The following PHACTR1 variants were observed in gnomAD, a reference collection of about 807,000 sequenced individuals.
PHACTR1 encodes the protein phosphatase and actin regulator 1.
In PHACTR1, 16 loss-of-function variants were observed where a neutral mutation model predicts 69.2. The observed-to-expected ratio is 0.23, with a 90% CI of 0.16 to 0.35. The LOEUF is 0.35. PHACTR1 is among the 10% of genes least tolerant of loss of function. The pLI is 1.00. For missense variants in PHACTR1, 510 were observed against 734.7 expected, an observed-to-expected ratio of 0.69 and a Z score of 3.54; for synonymous variants, 312 against 284.5, an observed-to-expected ratio of 1.10 and a Z score of -0.97.
chr6:13,032,378 G>A (rs1274982977), intron 4 of PHACTR1, among the ~76,000 whole-genome samples: 1 of 152,098 alleles, frequency 6.6e-6, no homozygotes, highest in Non-Finnish European at 1.5e-5. Context: ...GCATTTTACT[G>A]TAGCAGAAGA....
At chr6:13,252,349 A>G (rs914563487) in intron 10 of PHACTR1, among the ~76,000 whole-genome samples, 4 of 151,170 alleles carry the variant, frequency 2.6e-5, no homozygotes, top group African/African-American at 9.7e-5. Context: ...AAAAAGAAAA[A>G]GGAAAGAAAG....
chr6:13,155,621 G>T (rs1006038857), intron 5 of PHACTR1, among the ~76,000 whole-genome samples: 2 of 152,202 alleles, frequency 1.3e-5, no homozygotes, highest in Non-Finnish European at 2.9e-5. Context: ...TGGGCACAGT[G>T]GCTCACGCCT....
intron 4 of PHACTR1, among the ~76,000 whole-genome samples, chr6:13,036,055 T>A (rs1364709524): frequency 6.6e-6 from 1 of 152,156 alleles, no homozygotes; most frequent in East Asian, 1.9e-4. Context: ...TCATATTTTC[T>A]CTATTATACA....
At chr6:12,814,833 G>A (rs1775407805) in intron 4 of PHACTR1, among the ~76,000 whole-genome samples, 1 of 152,280 alleles carries the variant, frequency 6.6e-6, no homozygotes, top group East Asian at 1.9e-4. Context: ...GAGTTGCTGG[G>A]GGAGGCTGCT....
intron 4 of PHACTR1, among the ~76,000 whole-genome samples, chr6:12,865,482 C>A (rs9349361): frequency 1.3e-4 from 19 of 151,778 alleles, no homozygotes; most frequent in Non-Finnish European, 2.6e-4. Flanking sequence ...GTGTGTGTGC[C>A]TGCGTGTGTG....
intron 4 of PHACTR1, among the ~76,000 whole-genome samples, chr6:12,858,592 A>G (rs900031445): frequency 2.0e-5 from 3 of 152,070 alleles, no homozygotes; most frequent in Admixed American, 6.6e-5. Flanking sequence ...CAGGAGTTCA[A>G]TGCAAGCCTG....
intron 10 of PHACTR1, among the ~76,000 whole-genome samples, chr6:13,265,814 ATCC>A (rs1776613921): frequency 6.6e-6 from 1 of 152,168 alleles, no homozygotes; most frequent in Non-Finnish European, 1.5e-5. Flanking sequence ...TGGCAGGGTC[ATCC>A]TCCTTAGTCC....
chr6:13,193,740 C>A (rs927200982), intron 7 of PHACTR1, among the ~76,000 whole-genome samples: 2 of 152,026 alleles, frequency 1.3e-5, no homozygotes, highest in Non-Finnish European at 2.9e-5. Flanking sequence ...ATACGTCTAT[C>A]TCCTGTTTTG....
intron 4 of PHACTR1, among the ~76,000 whole-genome samples, chr6:12,758,762 T>C (rs568335249): frequency 6.6e-6 from 1 of 152,216 alleles, no homozygotes; most frequent in South Asian, 2.1e-4. Context: ...GGGTCACATT[T>C]AAAGCTGGAC....
At chr6:12,815,533 G>T (rs896093709) in intron 4 of PHACTR1, among the ~76,000 whole-genome samples, 3 of 152,196 alleles carry the variant, frequency 2.0e-5, no homozygotes, top group Non-Finnish European at 2.9e-5. Flanking sequence ...TTAGAAATGG[G>T]AAAGGAAGAA....
At chr6:12,779,046 A>G (rs927396408) in intron 4 of PHACTR1, among the ~76,000 whole-genome samples, 4 of 152,194 alleles carry the variant, frequency 2.6e-5, no homozygotes, top group African/African-American at 9.7e-5. Flanking sequence ...TTAAAAAGTC[A>G]GAGAAGCGGC....
At chr6:12,940,430 A>G (rs149484768) in intron 4 of PHACTR1, among the ~76,000 whole-genome samples, 7 of 152,356 alleles carry the variant, frequency 4.6e-5, no homozygotes, top group African/African-American at 1.2e-4. Flanking sequence ...CAAATTCAGC[A>G]ACAGGGTAAG....
intron 4 of PHACTR1, among the ~76,000 whole-genome samples, chr6:12,845,151 A>T (rs188937626): frequency 3.9e-5 from 6 of 152,346 alleles, no homozygotes; most frequent in Admixed American, 3.3e-4. Context: ...GTGGGTTTTT[A>T]AAAAATTTAC....
chr6:13,045,743 G>C (rs1402218603), intron 4 of PHACTR1, among the ~76,000 whole-genome samples: 1 of 152,202 alleles, frequency 6.6e-6, no homozygotes, highest in Non-Finnish European at 1.5e-5. Context: ...TGTTTTCCCA[G>C]GGGGCCACTA....
At chr6:13,263,740 A>G (rs1019584992) in intron 10 of PHACTR1, among the ~76,000 whole-genome samples, 4 of 152,226 alleles carry the variant, frequency 2.6e-5, no homozygotes, top group African/African-American at 9.6e-5. Context: ...AGATACAACT[A>G]GTTAAATCTA....
intron 4 of PHACTR1, among the ~76,000 whole-genome samples, chr6:12,800,108 T>C (rs114691860): frequency 6.6e-6 from 1 of 152,332 alleles, no homozygotes; most frequent in Non-Finnish European, 1.5e-5. Flanking sequence ...CCGTATTTAT[T>C]TCATTACCCC....
intron 4 of PHACTR1, among the ~76,000 whole-genome samples, chr6:12,906,113 G>A (rs1019719191): frequency 2.0e-5 from 3 of 152,120 alleles, no homozygotes; most frequent in African/African-American, 7.2e-5. Flanking sequence ...TGTCACTTGT[G>A]GTCTGAGTGT....
At chr6:12,748,025 G>A (rs1242079980) in intron 3 of PHACTR1, among the ~76,000 whole-genome samples, 2 of 152,180 alleles carry the variant, frequency 1.3e-5, no homozygotes, top group East Asian at 3.9e-4. Flanking sequence ...AGCTAAGAAA[G>A]AATTAGTTTT....
intron 5 of PHACTR1, among the ~76,000 whole-genome samples, chr6:13,127,965 G>A (rs1331338305): frequency 6.6e-5 from 10 of 151,784 alleles, no homozygotes; most frequent in African/African-American, 2.4e-4. Context: ...CAATCATGGC[G>A]GAAGGGGAAG....
Sources: allele counts gnomAD v4.1 joint callset (sites outside exome capture counted in the v4.1 genomes callset), GRCh38; gene constraint gnomAD v4.1.1; transcripts MANE v1.5; gene names NCBI Gene and HGNC (gene_info 2026-07-23, HGNC 2026-07-21).